HS2ST1: variants seen among roughly 807,000 people sequenced by gnomAD.
HS2ST1 encodes the protein 2-O-sulfotransferase.
Under a neutral mutation model 42.9 loss-of-function variants are expected in HS2ST1, and 18 were observed. The observed-to-expected ratio is 0.42, with a 90% CI of 0.29 to 0.62. HS2ST1 has a LOEUF of 0.62. Among genes scored for constraint, HS2ST1 ranks in the 20% least tolerant of loss-of-function variants. HS2ST1 has a pLI of 0.21. For synonymous variants in HS2ST1, 146 were observed against 152.9 expected (o/e 0.95, Z 0.33); for missense variants, 334 against 433.8 (o/e 0.77, Z 2.04).
intron 1 of HS2ST1, among the ~76,000 whole-genome samples, chr1:86,988,382 C>G (rs1248644068): frequency 2.6e-5 from 4 of 152,264 alleles, no homozygotes; most frequent in Non-Finnish European, 5.9e-5. Flanking sequence ...AGACATTCTG[C>G]TTTGCTTACC....
At chr1:86,932,545 G>T (rs1472618842) in intron 1 of HS2ST1, 1 of 152,046 alleles carries the variant, frequency 6.6e-6, no homozygotes, top group Non-Finnish European at 1.5e-5. Context: ...TTAGGCTAGG[G>T]TCATGATCAA....
rs1652332223 is a variant in HS2ST1, at chr1:87,106,761, C to A, written c.*2065C>A. ...AGTGTATACAAATTATTTCCTCGCCCAAAATAAAGCACCACTTCAAGGTGT... is the reference window on the plus strand; with the variant it reads ...AGTGTATACAAATTATTTCCTCGCCAAAAATAAAGCACCACTTCAAGGTGT... On this transcript the variant is annotated 3_prime_UTR_variant, in exon 7 of 7. Coordinates refer to ENST00000370550, the MANE Select transcript of HS2ST1 (RefSeq NM_012262.4). 1 of 151,820 alleles carries A rather than the reference C, an allele frequency of 6.6e-6. No homozygotes were observed. Among genetic ancestry groups the A allele is most frequent in the Non-Finnish European group, 1.5e-5 (1 of 67,896 alleles). The allele number at this position is 151,820 out of a possible 1,614,324, so 9.4% of individuals were successfully genotyped here.
At chr1:87,043,421 G>A (rs1234987061) in intron 1 of HS2ST1, among the ~76,000 whole-genome samples, 1 of 152,060 alleles carries the variant, frequency 6.6e-6, no homozygotes, top group Non-Finnish European at 1.5e-5. Flanking sequence ...CAAATAATCA[G>A]TTTAAAGTAC....
chr1:87,073,169 T>C lies in HS2ST1; in HGVS notation c.360T>C (p.Asp120=). 6.3e-7 allele frequency: 1 copy of C among 1,592,930 alleles called. No individual in the cohort carries two copies. The highest frequency in any genetic ancestry group is 1.7e-4 in the Middle Eastern group (1 of 6,014). ...TKNNPVMSLQ[D]QVRFVKNITS... The stretch of plus-strand genomic sequence containing the variant: ...ATAATCCAGTGATGTCATTGCAAGA[T>C]CAGGTAATTACCACTTAAGGAATGC... The change falls in exon 2 of 7, where the codon GAT becomes GAC. Residue 120 remains aspartate, a synonymous_variant. Coordinates refer to ENST00000370550, the MANE Select transcript of HS2ST1 (RefSeq NM_012262.4).
At chr1:87,079,753 A>G (rs1008801062) in intron 2 of HS2ST1, among the ~76,000 whole-genome samples, 6 of 152,056 alleles carry the variant, frequency 3.9e-5, no homozygotes, top group Non-Finnish European at 7.4e-5. Flanking sequence ...TAACAATAGT[A>G]GAGGCCAGGC....
intron 2 of HS2ST1, among the ~76,000 whole-genome samples, chr1:87,074,740 T>TG (rs1303119103): frequency 1.3e-5 from 2 of 151,972 alleles, no homozygotes; most frequent in Non-Finnish European, 2.9e-5. Context: ...TAAAAGCAAT[T>TG]GGATTGCATA....
intron 1 of HS2ST1, among the ~76,000 whole-genome samples, chr1:87,063,012 T>G (rs1474229118): frequency 6.6e-6 from 1 of 152,204 alleles, no homozygotes; most frequent in Non-Finnish European, 1.5e-5. Flanking sequence ...ATTTGGAGTT[T>G]GTTCAGCTTC....
At chr1:86,950,035 G>A (rs1647459243) in intron 1 of HS2ST1, among the ~76,000 whole-genome samples, 1 of 152,142 alleles carries the variant, frequency 6.6e-6, no homozygotes, top group East Asian at 1.9e-4. Context: ...AAGCACTATA[G>A]AAACATTTGA....
chr1:87,025,449 C>A lies in HS2ST1; in HGVS notation c.125-47485C>A, dbSNP rs185909972. On this transcript the variant is annotated intron_variant, in intron 1 of 6. Coordinates refer to ENST00000370550, the MANE Select transcript of HS2ST1 (RefSeq NM_012262.4). ...GAAGCCAGATGGCAAATGGGAAATA[C>A]AGTTTTCAGATCCTCAGCCCTAGGA... Among the ~76,000 whole-genome samples the A allele has an allele frequency of 1.0e-3, 155 of 152,276 alleles. No individual in the cohort carries two copies. The South Asian group carries it at 0.01, about 10-fold the overall frequency.
intron 1 of HS2ST1, among the ~76,000 whole-genome samples, chr1:86,952,823 G>A (rs1340312035): frequency 6.6e-6 from 1 of 152,142 alleles, no homozygotes; most frequent in Non-Finnish European, 1.5e-5. Flanking sequence ...AGGCAGAGTC[G>A]ATTTAGCATA....
intron 1 of HS2ST1, among the ~76,000 whole-genome samples, chr1:87,041,953 T>C (rs955526052): frequency 3.9e-5 from 6 of 152,168 alleles, no homozygotes; most frequent in African/African-American, 1.4e-4. Flanking sequence ...TTTTAAAAAA[T>C]TAAACACAGA....
intron 1 of HS2ST1, among the ~76,000 whole-genome samples, chr1:86,969,429 G>A (rs547402137): frequency 6.6e-6 from 1 of 152,278 alleles, no homozygotes; most frequent in South Asian, 2.1e-4. Flanking sequence ...TGGAATTGCA[G>A]CAGAAGTCAT....
intron 1 of HS2ST1, among the ~76,000 whole-genome samples, chr1:86,948,415 C>T (rs1647400597): frequency 6.6e-6 from 1 of 152,202 alleles, no homozygotes; most frequent in Non-Finnish European, 1.5e-5. Context: ...CGGCCTGAGT[C>T]TAGCTGGGCC....
chr1:87,012,363 G>T (rs151058801), intron 1 of HS2ST1, among the ~76,000 whole-genome samples: 174 of 152,256 alleles, frequency 1.1e-3, no homozygotes, highest in African/African-American at 3.6e-3. Flanking sequence ...GTCTTACATG[G>T]TAGCAAGCAA....
intron 1 of HS2ST1, among the ~76,000 whole-genome samples, chr1:87,028,775 C>G (rs1441599940): frequency 6.6e-6 from 1 of 152,152 alleles, no homozygotes; most frequent in African/African-American, 2.4e-5. Context: ...CAGGAAATGA[C>G]TAGTGTAAAA....
At chr1:87,000,527 C>T (rs1010534218) in intron 1 of HS2ST1, among the ~76,000 whole-genome samples, 5 of 152,104 alleles carry the variant, frequency 3.3e-5, no homozygotes, top group Non-Finnish European at 5.9e-5. Context: ...GACTAAGTGG[C>T]GTCTGGCATC....
At chr1:87,046,422 C>T in intron 1 of HS2ST1, 4 of 885,148 alleles carry the variant, frequency 4.5e-6, no homozygotes, top group Non-Finnish European at 7.7e-6. Context: ...AAGCCAAAGC[C>T]AGAGCTAGAA....
At chr1:87,005,197 T>G (rs1337912849) in intron 1 of HS2ST1, among the ~76,000 whole-genome samples, 2 of 152,238 alleles carry the variant, frequency 1.3e-5, no homozygotes, top group South Asian at 2.1e-4. Context: ...TGAATACCCT[T>G]TTGCCCACGC....
chr1:86,951,398 A>G (rs927420441), intron 1 of HS2ST1, among the ~76,000 whole-genome samples: 2 of 152,262 alleles, frequency 1.3e-5, no homozygotes, highest in Non-Finnish European at 2.9e-5. Flanking sequence ...AAATAGTGCA[A>G]TAAAGCAAGT....
Sources: allele counts gnomAD v4.1 joint callset (sites outside exome capture counted in the v4.1 genomes callset), GRCh38; gene constraint gnomAD v4.1.1; transcripts MANE v1.5; gene names NCBI Gene and HGNC (gene_info 2026-07-23, HGNC 2026-07-21).